BBS9: variants seen among roughly 807,000 people sequenced by gnomAD.
BBS9 encodes the protein Bardet-Biedl syndrome 9, also known as protein PTHB1.
BBS9 carries 89 observed loss-of-function variants against 117.7 expected under a neutral mutation model. The ratio of observed to expected loss-of-function variants is 0.76; its 90% CI spans 0.64 to 0.90. BBS9 has a LOEUF of 0.90. Among genes scored for constraint, BBS9 ranks in the 40% least tolerant of loss-of-function variants. The pLI is 0.00. For missense variants in BBS9, 982 were observed against 1,042.2 expected, an observed-to-expected ratio of 0.94 and a Z score of 0.80; for synonymous variants, 379 against 370.9, an observed-to-expected ratio of 1.02 and a Z score of -0.25.
intron 9 of BBS9, among the ~76,000 whole-genome samples, chr7:33,332,497 C>T (rs1814309623): frequency 2.0e-5 from 3 of 152,044 alleles, no homozygotes; most frequent in Admixed American, 2.0e-4. Context: ...GCCAAAATGG[C>T]AAAACCCCGT....
At chr7:33,277,497 A>G (rs1017548057) in intron 9 of BBS9, among the ~76,000 whole-genome samples, 56 of 152,222 alleles carry the variant, frequency 3.7e-4, no homozygotes, top group Non-Finnish European at 5.4e-4. Flanking sequence ...CTGTTGCACA[A>G]ACAAAATCAA....
chr7:33,444,264 C>A (rs1454823943), intron 19 of BBS9, among the ~76,000 whole-genome samples: 1 of 152,152 alleles, frequency 6.6e-6, no homozygotes, highest in African/African-American at 2.4e-5. Flanking sequence ...ATTCTCTATT[C>A]TTAAACTGTT....
At chr7:33,336,701 G>T in intron 10 of BBS9, 79 bp downstream of exon 10, 2 of 1,072,616 alleles carry the variant, frequency 1.9e-6, no homozygotes, top group Non-Finnish European at 1.4e-6. Context: ...ATTATTTTGT[G>T]TATTTGTTAA....
chr7:33,576,299 A>G (rs56043328), intron 21 of BBS9, among the ~76,000 whole-genome samples: 2,256 of 152,336 alleles, frequency 0.015, 51 homozygotes, highest in African/African-American at 0.051. Context: ...GTGGACTCCC[A>G]TTCACAATTG....
intron 21 of BBS9, among the ~76,000 whole-genome samples, chr7:33,621,627 T>G (rs752735127): frequency 6.6e-6 from 1 of 152,102 alleles, no homozygotes; most frequent in Non-Finnish European, 1.5e-5. Context: ...AGTATGGAGA[T>G]TCTTAAAAAA....
chr7:33,293,711 C>T lies in BBS9; in HGVS notation c.1016+19755C>T, dbSNP rs181853073. ...TTTAGTCAATATATAGAACCTATCT[C>T]TATAGACTATTTATTAGACTCAGTA... is the stretch of plus-strand genomic sequence containing the variant. On this transcript the variant is annotated intron_variant, in intron 9 of 22. Coordinates refer to ENST00000242067, the MANE Select transcript of BBS9 (RefSeq NM_198428.3). 4.6e-5 allele frequency among the ~76,000 whole-genome samples: 7 copies of T among 152,204 alleles called. No homozygotes were observed. The East Asian group carries it at 1.3e-3, about 29-fold the overall frequency.
intron 17 of BBS9, among the ~76,000 whole-genome samples, chr7:33,375,527 A>T (rs992992373): frequency 6.6e-6 from 1 of 152,072 alleles, no homozygotes; most frequent in African/African-American, 2.4e-5. Flanking sequence ...GTAATCTAAA[A>T]AAAGCAAAAA....
At chr7:33,278,011 A>G (rs1432548767) in intron 9 of BBS9, among the ~76,000 whole-genome samples, 1 of 152,096 alleles carries the variant, frequency 6.6e-6, no homozygotes, top group Non-Finnish European at 1.5e-5. Context: ...GGGAAGGGCT[A>G]TTTTTACTTA....
chr7:33,526,308 T>G (rs1399886090), intron 20 of BBS9, among the ~76,000 whole-genome samples: 1 of 152,210 alleles, frequency 6.6e-6, no homozygotes, highest in Non-Finnish European at 1.5e-5. Context: ...CTTGCTAGAT[T>G]GGGGAAATTC....
intron 21 of BBS9, among the ~76,000 whole-genome samples, chr7:33,542,372 C>T (rs916578777): frequency 7.9e-5 from 12 of 152,128 alleles, no homozygotes; most frequent in Non-Finnish European, 5.9e-5. Context: ...CGTGAGCCAC[C>T]GCACCCAGCC....
intron 19 of BBS9, among the ~76,000 whole-genome samples, chr7:33,483,931 G>A (rs964827593): frequency 6.6e-6 from 1 of 152,100 alleles, no homozygotes; most frequent in South Asian, 2.1e-4. Context: ...GAGCCACTGC[G>A]CTGACCTCAA....
chr7:33,596,257 A>AACACACACAC (rs777940429), intron 21 of BBS9, among the ~76,000 whole-genome samples: 20 of 118,830 alleles, frequency 1.7e-4, no homozygotes, highest in African/African-American at 2.2e-4. Context: ...ACAGAACAGA[A>AACACACACAC]ACACACACAC....
intron 19 of BBS9, among the ~76,000 whole-genome samples, chr7:33,481,492 T>C (rs1842509436): frequency 6.6e-6 from 1 of 151,860 alleles, no homozygotes; most frequent in Admixed American, 6.6e-5. Context: ...TAATATGATA[T>C]TATATAATGT....
chr7:33,166,672 G>A (rs1359463075), intron 4 of BBS9, among the ~76,000 whole-genome samples: 1 of 152,212 alleles, frequency 6.6e-6, no homozygotes, highest in Non-Finnish European at 1.5e-5. Flanking sequence ...CTAGCCAGGC[G>A]TGGGATCCAC....
At chr7:33,587,026 G>T (rs1043234128) in intron 21 of BBS9, among the ~76,000 whole-genome samples, 1 of 151,958 alleles carries the variant, frequency 6.6e-6, no homozygotes, top group East Asian at 1.9e-4. Flanking sequence ...ACCTGAACAT[G>T]TACCCCCGAT....
chr7:33,416,774 A>G (rs991295349), intron 19 of BBS9, among the ~76,000 whole-genome samples: 5 of 152,166 alleles, frequency 3.3e-5, no homozygotes, highest in Non-Finnish European at 7.4e-5. Context: ...GTAAGTGGCC[A>G]TTCGAAGTCA....
intron 4 of BBS9, among the ~76,000 whole-genome samples, chr7:33,156,276 T>G (rs1389929118): frequency 1.3e-5 from 2 of 152,190 alleles, no homozygotes; most frequent in African/African-American, 4.8e-5. Context: ...ATTTTGGCCT[T>G]TATTAAATGT....
intron 4 of BBS9, among the ~76,000 whole-genome samples, chr7:33,172,791 A>G (rs920708336): frequency 2.0e-5 from 3 of 152,344 alleles, no homozygotes; most frequent in East Asian, 3.9e-4. Context: ...GTACATAGCT[A>G]AGATTTTAGG....
intron 19 of BBS9, among the ~76,000 whole-genome samples, chr7:33,469,456 A>T (rs1035026876): frequency 2.0e-5 from 3 of 152,198 alleles, no homozygotes; most frequent in African/African-American, 7.2e-5. Context: ...ATACTGTAAT[A>T]TTACAAAGTC....
Sources: gnomAD v4.1 joint callset for allele counts (sites outside exome capture counted in the v4.1 genomes callset) on GRCh38, gnomAD v4.1.1 for gene constraint, MANE v1.5 for transcripts, NCBI Gene and HGNC (gene_info 2026-07-23, HGNC 2026-07-21) for gene names.